Variants in ABCA5 observed in about 807,000 individuals in gnomAD.
ABCA5 encodes the protein cholesterol transporter ABCA5.
Under a neutral mutation model 206.0 loss-of-function variants are expected in ABCA5, and 163 were observed. The observed-to-expected ratio is 0.79, with a 90% CI of 0.70 to 0.90. The LOEUF is 0.90. Among genes scored for constraint, ABCA5 ranks in the 40% least tolerant of loss-of-function variants. The pLI is 0.00. For synonymous variants in ABCA5, 609 were observed against 613.8 expected (o/e 0.99, Z 0.11); for missense variants, 1,859 against 1,912.9 (o/e 0.97, Z 0.53).
intron 31 of ABCA5, among the ~76,000 whole-genome samples, 164 bp from the exon 32 acceptor site, chr17:69,254,654 C>T (rs1227684591): frequency 1.3e-5 from 2 of 152,072 alleles, no homozygotes; most frequent in African/African-American, 4.8e-5. Context: ...ACTGAGACTA[C>T]AAACATGTGC....
At position 69,303,799 on chromosome 17, in the gene ABCA5, T is replaced by TACAC. The variant is rs1280313042; in HGVS notation, c.930+869_930+870insGTGT. ...AAAAAAAAAAAAATATATATATATA[T>TACAC]ATATATATACATACATATATATATA... On this transcript the variant is annotated intron_variant, in intron 7 of 38. Coordinates refer to ENST00000392676, the MANE Select transcript of ABCA5 (RefSeq NM_172232.4). 3.3e-3 allele frequency among the ~76,000 whole-genome samples: 21 copies of TACAC among 6,294 alleles called. 3 individuals are homozygous for TACAC. The highest frequency in any genetic ancestry group is 0.17 in the South Asian group (1 of 6). The allele number at this position is 6,294 out of a possible 152,430, so 4.1% of individuals were successfully genotyped here.
At chr17:69,270,461 T>G (rs1223677451) in intron 22 of ABCA5, 152 bp downstream of exon 22, 2 of 650,348 alleles carry the variant, frequency 3.1e-6, no homozygotes, top group Non-Finnish European at 5.0e-6. Flanking sequence ...ATCCTAAACC[T>G]TAATGTAAAC....
intron 34 of ABCA5, among the ~76,000 whole-genome samples, chr17:69,253,007 T>C (rs1020194346): frequency 6.6e-6 from 1 of 152,146 alleles, no homozygotes; most frequent in Non-Finnish European, 1.5e-5. Flanking sequence ...ACAAATACCA[T>C]TGTGTTACAA....
chr17:69,287,117 T>C (rs2144974919), intron 15 of ABCA5, among the ~76,000 whole-genome samples: 1 of 152,324 alleles, frequency 6.6e-6, no homozygotes, highest in South Asian at 2.1e-4. Flanking sequence ...AACTTTGGTA[T>C]GTGCTAGGCA....
At chr17:69,255,991 GA>G in intron 29 of ABCA5, 141 bp from the exon 30 acceptor site, 1 of 1,149,654 alleles carries the variant, frequency 8.7e-7, no homozygotes, top group Non-Finnish European at 1.2e-6. Context: ...ATTTATGACT[GA>G]AATTCTGGCT....
chr17:69,288,163 A>ATGG (rs1249783161), intron 14 of ABCA5, among the ~76,000 whole-genome samples: 1 of 152,144 alleles, frequency 6.6e-6, no homozygotes, highest in African/African-American at 2.4e-5. Flanking sequence ...AAAAAAGAAC[A>ATGG]TGGTGGTGGT....
At chr17:69,324,832 A>G (rs2145060470) in intron 1 of ABCA5, among the ~76,000 whole-genome samples, 1 of 152,322 alleles carries the variant, frequency 6.6e-6, no homozygotes, top group Admixed American at 6.5e-5. Context: ...ACACTTTTAA[A>G]CTAAGATATT....
At chr17:69,312,603 C>T (rs1216988378) in intron 3 of ABCA5, among the ~76,000 whole-genome samples, 1 of 151,972 alleles carries the variant, frequency 6.6e-6, no homozygotes, top group Non-Finnish European at 1.5e-5. Flanking sequence ...AGATGGGGGT[C>T]CCATTCTGTT....
intron 38 of ABCA5, 91 bp downstream of exon 38, chr17:69,248,171 G>A (rs1386008312): frequency 2.6e-5 from 19 of 717,092 alleles, no homozygotes; most frequent in African/African-American, 5.5e-5. Flanking sequence ...ACTGGTTTAC[G>A]ATATCTCTCC....
At chr17:69,307,989 T>C (rs963106177) in intron 5 of ABCA5, among the ~76,000 whole-genome samples, 17 of 152,148 alleles carry the variant, frequency 1.1e-4, no homozygotes, top group Non-Finnish European at 1.2e-4. Flanking sequence ...TATGGTTAAT[T>C]TGAATAGTTT....
intron 1 of ABCA5, among the ~76,000 whole-genome samples, chr17:69,319,350 G>A (rs2075844800): frequency 6.6e-6 from 1 of 152,162 alleles, no homozygotes; most frequent in Admixed American, 6.5e-5. Context: ...CAGACTCATA[G>A]AGTAGATGGA....
intron 9 of ABCA5, among the ~76,000 whole-genome samples, 166 bp from the exon 10 acceptor site, chr17:69,297,525 T>C (rs2075597312): frequency 6.6e-6 from 1 of 152,212 alleles, no homozygotes; most frequent in African/African-American, 2.4e-5. Flanking sequence ...ACAATTTTCA[T>C]TTGTCATTGA....
chr17:69,291,606 C>T (rs1365786281), intron 11 of ABCA5, among the ~76,000 whole-genome samples: 2 of 151,992 alleles, frequency 1.3e-5, no homozygotes, highest in East Asian at 3.9e-4. Flanking sequence ...TTGGGAATTA[C>T]CAATGGAACC....
At chr17:69,279,117 G>C (rs2075363590) in intron 18 of ABCA5, among the ~76,000 whole-genome samples, 1 of 151,958 alleles carries the variant, frequency 6.6e-6, no homozygotes, top group Admixed American at 6.6e-5. Context: ...CAGATGACAT[G>C]ATTGTATATC....
At position 69,290,017 on chromosome 17, in the gene ABCA5, G is replaced by T; in HGVS notation, c.1627C>A (p.His543Asn). The T allele has an allele frequency of 6.3e-7, 1 of 1,599,972 alleles. No homozygotes were observed. The highest frequency in any genetic ancestry group is 8.5e-7 in the Non-Finnish European group (1 of 1,174,868). The change falls in exon 13 of 39, where the codon CAC becomes AAC. Residue 543 changes from histidine to asparagine, a missense_variant. Coordinates refer to ENST00000392676, the MANE Select transcript of ABCA5 (RefSeq NM_172232.4). ...ATTTCATCTATTTCTGAGACTCTGT[G>T]TCCATATATAGATGCAAACCCTAAA... Reference protein sequence around the residue: ...PSDGFASIYGHRVSEIDEMFE... With the variant: ...PSDGFASIYGNRVSEIDEMFE...
rs201584062 is a variant in ABCA5 at position 69,287,648 on chromosome 17, C to T, written c.2006G>A (p.Ser669Asn). ...GTCAGCTTCATCCATGAAATGAGTA[C>T]TGAACACTGTCACCCGATTGGCTTT... ...YRKANRVTVF[S>N]THFMDEADIL... Residue 669 changes from serine to asparagine, a missense_variant, in exon 15 of 39, where the codon AGT becomes AAT. By Grantham distance (46) the Ser-to-Asn change is conservative. Transcript: ENST00000392676. 54 of 1,613,700 alleles carry T rather than the reference C, an allele frequency of 3.3e-5. No individual in the cohort carries two copies. Among genetic ancestry groups the T allele is most frequent in the South Asian group, 6.6e-5 (6 of 91,050 alleles).
At chr17:69,302,584 A>C in intron 8 of ABCA5, 134 bp downstream of exon 8, 1 of 499,530 alleles carries the variant, frequency 2.0e-6, no homozygotes. Context: ...ATACTCTAGA[A>C]ATCATTTCTT....
intron 5 of ABCA5, 80 bp from the exon 6 acceptor site, chr17:69,307,034 T>A: frequency 9.9e-7 from 1 of 1,005,506 alleles, no homozygotes; most frequent in Non-Finnish European, 1.4e-6. Context: ...GCTATATCCC[T>A]AAATTTGGTC....
At chr17:69,327,003 G>A (rs2075901133) in intron 1 of ABCA5, 49 bp downstream of exon 1, 1 of 156,550 alleles carries the variant, frequency 6.4e-6, no homozygotes, top group Non-Finnish European at 1.4e-5. Flanking sequence ...AGGGACGGCT[G>A]TCCCAGGCTA....
Sources: allele counts gnomAD v4.1 joint callset (sites outside exome capture counted in the v4.1 genomes callset), GRCh38; gene constraint gnomAD v4.1.1; transcripts MANE v1.5; gene names NCBI Gene and HGNC (gene_info 2026-07-23, HGNC 2026-07-21).